Variants in LIPI observed in about 807,000 individuals in gnomAD.
The protein encoded by LIPI is lipase member I.
LIPI carries 59 observed loss-of-function variants against 50.6 expected under a neutral mutation model. The ratio of observed to expected loss-of-function variants is 1.16; its 90% confidence interval spans 0.94 to 1.45. LIPI has a LOEUF of 1.45. LIPI is among the 40% of genes most tolerant of loss of function. The pLI is 0.00. For missense variants in LIPI, 586 were observed against 536.3 expected (o/e 1.09, Z -0.92); for synonymous variants, 203 against 178.2 (o/e 1.14, Z -1.11).
At position 14,113,031 on chromosome 21, in the gene LIPI, A is replaced by C. The variant is rs145431619; in HGVS notation, c.1296-3951T>G. 2.6e-3 allele frequency among the ~76,000 whole-genome samples: 389 copies of C among 152,322 alleles called. 4 individuals carry two copies. Among genetic ancestry groups the C allele is most frequent in the Non-Finnish European group, 4.7e-3 (321 of 68,012 alleles). Reference sequence around the variant, plus strand: ...AAGTAGTGGGAATCATTACACCTAGACTGAGCACTTATCCAAGCTAGCTTA... The same window carrying C: ...AAGTAGTGGGAATCATTACACCTAGCCTGAGCACTTATCCAAGCTAGCTTA... On this transcript the variant is annotated intron_variant, in intron 9 of 9. Transcript: ENST00000681601.
At chr21:14,128,372 T>G (rs1320111586) in intron 9 of LIPI, among the ~76,000 whole-genome samples, 1 of 152,020 alleles carries the variant, frequency 6.6e-6, no homozygotes, top group Admixed American at 6.5e-5. Context: ...AAGGACAAAT[T>G]AAAAACTCCA....
chr21:14,205,746 C>T (rs1220267331), intron 1 of LIPI, among the ~76,000 whole-genome samples: 1 of 151,940 alleles, frequency 6.6e-6, no homozygotes, highest in Non-Finnish European at 1.5e-5. Context: ...ATTTAATAGA[C>T]TTCAGTTAAT....
chr21:14,138,521 C>T (rs1241487468), intron 9 of LIPI, among the ~76,000 whole-genome samples: 1 of 151,906 alleles, frequency 6.6e-6, no homozygotes, highest in African/African-American at 2.4e-5. Flanking sequence ...TTTTGGTATC[C>T]ATATAAATTT....
At chr21:14,114,626 A>G (rs2016552460) in intron 9 of LIPI, among the ~76,000 whole-genome samples, 1 of 152,128 alleles carries the variant, frequency 6.6e-6, no homozygotes, top group Admixed American at 6.5e-5. Context: ...AGCCATGACC[A>G]CTGCCCGATA....
At chr21:14,138,630 G>T (rs1195274637) in intron 9 of LIPI, among the ~76,000 whole-genome samples, 2 of 151,968 alleles carry the variant, frequency 1.3e-5, no homozygotes, top group African/African-American at 4.8e-5. Context: ...GGAAAAAATT[G>T]TCCCTAGCCA....
Position 14,152,631 on chromosome 21 carries a change from AG to A in LIPI, c.1059del (p.Ser354ArgfsTer7). On this transcript the variant is annotated frameshift_variant, in exon 8 of 10. Transcript: ENST00000681601. LOFTEE classifies it high-confidence loss of function. Reference sequence around the variant, plus strand: ...TGATTTAATAATTTAAATGAAAACGAGCCATCCATCATAGTTTTATCTGGAA... The same window carrying A: ...TGATTTAATAATTTAAATGAAAACGACCATCCATCATAGTTTTATCTGGAA... ...IIVPDKTMMD[G>X]SFSFKLLNQL... 2 of 1,591,400 alleles carry A rather than the reference AG, an allele frequency of 1.3e-6. No homozygotes were observed. The highest frequency in any genetic ancestry group is 1.7e-6 in the Non-Finnish European group (2 of 1,160,670).
rs554451250 is a variant in LIPI at position 14,108,890 on chromosome 21, C to T, written c.*103G>A. On this transcript the variant is annotated 3_prime_UTR_variant, in exon 10 of 10. Coordinates refer to ENST00000681601, the MANE Select transcript of LIPI (RefSeq NM_001302998.2). Reference sequence around the variant, plus strand: ...AAATTTTTTCCAAGAAATAGAAATACTTGAATCTCAAATTGAACAGTGCAT... The same window carrying T: ...AAATTTTTTCCAAGAAATAGAAATATTTGAATCTCAAATTGAACAGTGCAT... 9.8e-5 allele frequency: 138 copies of T among 1,401,534 alleles called. No homozygotes were observed. The African/African-American group carries it at 1.6e-3, about 16-fold the overall frequency. The allele number at this position is 1,401,534 out of a possible 1,614,324, so 86.8% of individuals were successfully genotyped here. A position where few individuals can be genotyped will look rare whatever the true frequency, so the allele number is the denominator to read the frequency against.
At position 14,185,845 on chromosome 21, in the gene LIPI, T is replaced by C. The variant is rs992509984; in HGVS notation, c.541+116A>G. The C allele has an allele frequency of 1.5e-5, 10 of 647,876 alleles. No homozygotes were observed. In the African/African-American group the frequency reaches 1.6e-4, roughly 11 times the overall value. 40.1% of individuals were successfully genotyped at this position (647,876 alleles called of 1,614,324 possible). On this transcript the variant is annotated intron_variant, in intron 3 of 9. Transcript: ENST00000681601. ...TTGCAGTGAGCCGAGATCGCACCAC[T>C]GCACTGCAGCCTGGGCAACAGAGCG...
chr21:14,210,479 A>T (rs1051197603), intron 1 of LIPI, among the ~76,000 whole-genome samples: 1 of 151,866 alleles, frequency 6.6e-6, no homozygotes, highest in Non-Finnish European at 1.5e-5. Context: ...TACCAAATTA[A>T]TTTCTCCATT....
chr21:14,197,159 A>C (rs899722019), intron 1 of LIPI, among the ~76,000 whole-genome samples: 113 of 151,774 alleles, frequency 7.4e-4, no homozygotes, highest in Middle Eastern at 6.8e-3. Context: ...AATTTATACT[A>C]TTTTAAATAT....
intron 4 of LIPI, among the ~76,000 whole-genome samples, chr21:14,178,521 G>A (rs1481758167): frequency 1.3e-5 from 2 of 151,836 alleles, no homozygotes; most frequent in African/African-American, 2.4e-5. Flanking sequence ...TTACTTTTTA[G>A]GGTAAGAACT....
intron 8 of LIPI, among the ~76,000 whole-genome samples, chr21:14,147,735 C>T (rs566600951): frequency 1.5e-4 from 23 of 152,140 alleles, no homozygotes; most frequent in Non-Finnish European, 2.4e-4. Context: ...TCACAAAGCT[C>T]AAAACTTGAA....
chr21:14,116,496 A>G (rs1001562943), intron 9 of LIPI, among the ~76,000 whole-genome samples: 8 of 152,090 alleles, frequency 5.3e-5, no homozygotes, highest in African/African-American at 1.9e-4. Context: ...ATTGAAGCCG[A>G]CTCCATTAGA....
At chr21:14,150,792 G>C (rs968260455) in intron 8 of LIPI, among the ~76,000 whole-genome samples, 2 of 152,156 alleles carry the variant, frequency 1.3e-5, no homozygotes, top group Non-Finnish European at 2.9e-5. Flanking sequence ...CTCAATAAAA[G>C]ATGGGTCTTG....
intron 9 of LIPI, among the ~76,000 whole-genome samples, chr21:14,114,713 G>A (rs1023548453): frequency 1.3e-5 from 2 of 152,194 alleles, no homozygotes; most frequent in African/African-American, 2.4e-5. Context: ...TCCCCTCAGA[G>A]AAACTAGATT....
At chr21:14,209,599 T>A (rs1372431157) in intron 1 of LIPI, among the ~76,000 whole-genome samples, 1 of 152,186 alleles carries the variant, frequency 6.6e-6, no homozygotes, top group African/African-American at 2.4e-5. Flanking sequence ...TCTACTATTG[T>A]ATTTTAATCA....
In LIPI at chr21:14,144,901, T is replaced by C. The variant is rs904145034; in HGVS notation, c.1119-102A>G. 46 of 726,208 alleles carry C rather than the reference T, an allele frequency of 6.3e-5. No individual in the cohort carries two copies. In the Middle Eastern group the frequency reaches 2.0e-3, roughly 31 times the overall value. 45.0% of individuals were successfully genotyped at this position (726,208 alleles called of 1,614,324 possible). A position where few individuals can be genotyped will look rare whatever the true frequency, so the allele number is the denominator to read the frequency against. Reference sequence around the variant, plus strand: ...ATAAGGGAGGCCACAGAGAACAAAATTATAGGGAAAAGGCCAAACAAAATA... The same window carrying C: ...ATAAGGGAGGCCACAGAGAACAAAACTATAGGGAAAAGGCCAAACAAAATA... On this transcript the variant is annotated intron_variant, in intron 8 of 9. Coordinates refer to ENST00000681601, the MANE Select transcript of LIPI (RefSeq NM_001302998.2).
At chr21:14,131,292 A>G (rs1357988744) in intron 9 of LIPI, among the ~76,000 whole-genome samples, 1 of 152,106 alleles carries the variant, frequency 6.6e-6, no homozygotes, top group Non-Finnish European at 1.5e-5. Context: ...TGGGGCCAGT[A>G]TAGGCTGTTC....
intron 5 of LIPI, among the ~76,000 whole-genome samples, chr21:14,165,760 G>T (rs1013781245): frequency 6.6e-6 from 1 of 152,136 alleles, no homozygotes; most frequent in Non-Finnish European, 1.5e-5. Context: ...CATGAAACCA[G>T]CTGACCTTAA....
Sources: allele counts gnomAD v4.1 joint callset (sites outside exome capture counted in the v4.1 genomes callset), GRCh38; gene constraint gnomAD v4.1.1; transcripts MANE v1.5; gene names NCBI Gene and HGNC (gene_info 2026-07-23, HGNC 2026-07-21).